IGSF5: variants seen among roughly 807,000 people sequenced by gnomAD.
IGSF5 encodes immunoglobulin superfamily member 5.
In IGSF5, 41 loss-of-function variants were observed where a neutral mutation model predicts 39.4. That is an observed-to-expected ratio of 1.04 (90% CI 0.81 to 1.35). The LOEUF (loss-of-function observed/expected upper bound fraction) is 1.35. IGSF5 is among the 40% of genes most tolerant of loss of function. The probability of loss-of-function intolerance (pLI) is 0.00; values close to 1 mark genes in which losing one functional copy is unlikely to be tolerated. For missense variants in IGSF5, 487 were observed against 494.6 expected (o/e 0.98, Z 0.15); for synonymous variants, 183 against 175.3 (o/e 1.04, Z -0.34).
the IGSF5 span, among the ~76,000 whole-genome samples, chr21:39,733,419 G>C: frequency 6.6e-6 from 1 of 152,174 alleles, no homozygotes; most frequent in African/African-American, 2.4e-5. Context: ...AGGTGTCCAA[G>C]TAAAATGCTT....
the IGSF5 span, among the ~76,000 whole-genome samples, chr21:39,712,674 C>G: frequency 6.6e-6 from 1 of 152,260 alleles, no homozygotes; most frequent in South Asian, 2.1e-4. Context: ...CATTGGGCCA[C>G]TACTGGAGTG....
At chr21:39,751,949 C>T (rs906640050) in intron 2 of IGSF5, among the ~76,000 whole-genome samples, 2 of 152,110 alleles carry the variant, frequency 1.3e-5, no homozygotes, top group Admixed American at 6.6e-5. Context: ...TGAGCCGTGG[C>T]GGTGTCCAGG....
rs71950931 is a variant in IGSF5, at chr21:39,750,635, TG to T, written c.100+4343del. On this transcript the variant is annotated intron_variant, in intron 2 of 8. Coordinates refer to ENST00000380588, the MANE Select transcript of IGSF5 (RefSeq NM_001080444.2). ...GTGTTCATCTCCTAGCACTTGAGGGTGGGGGGTTGGAGCTCTGCCCTATCCA... is the reference window on the plus strand; with the variant it reads ...GTGTTCATCTCCTAGCACTTGAGGGTGGGGGTTGGAGCTCTGCCCTATCCA... Among the ~76,000 whole-genome samples the T allele has an allele frequency of 2.7e-5, 4 of 150,790 alleles. No individual in the cohort carries two copies. In the South Asian group the frequency reaches 8.5e-4, roughly 32 times the overall value.
At chr21:39,792,956 G>T (rs1478410221) in intron 7 of IGSF5, among the ~76,000 whole-genome samples, 3 of 152,028 alleles carry the variant, frequency 2.0e-5, no homozygotes, top group Admixed American at 2.0e-4. Context: ...TTGCTGAGGG[G>T]CCTAAACACC....
At chr21:39,777,142 C>A (rs1660851589) in intron 4 of IGSF5, among the ~76,000 whole-genome samples, 1 of 152,206 alleles carries the variant, frequency 6.6e-6, no homozygotes, top group African/African-American at 2.4e-5. Flanking sequence ...CTCGCTCAGT[C>A]ACAAAGCTCC....
chr21:39,765,974 C>T (rs962022960), intron 3 of IGSF5, 122 bp downstream of exon 3: 4 of 865,822 alleles, frequency 4.6e-6, no homozygotes, highest in Non-Finnish European at 3.6e-6. Context: ...TGTTGACCTA[C>T]AATTATTCTG....
intron 2 of IGSF5, among the ~76,000 whole-genome samples, chr21:39,749,732 T>C (rs144380946): frequency 6.6e-6 from 1 of 152,320 alleles, no homozygotes; most frequent in African/African-American, 2.4e-5. Flanking sequence ...AAGTTGTAGG[T>C]AGACAAGAGA....
chr21:39,776,629 A>C (rs553301875), intron 4 of IGSF5, among the ~76,000 whole-genome samples: 2 of 152,262 alleles, frequency 1.3e-5, no homozygotes, highest in African/African-American at 2.4e-5. Context: ...TTAAACATGC[A>C]TTCTCTGAAA....
chr21:39,737,808 G>A, the IGSF5 span, among the ~76,000 whole-genome samples: 1 of 152,312 alleles, frequency 6.6e-6, no homozygotes, highest in Non-Finnish European at 1.5e-5. Context: ...GGGCCTGTCT[G>A]TTCACATTCT....
the IGSF5 span, among the ~76,000 whole-genome samples, chr21:39,725,146 A>G: frequency 6.6e-6 from 1 of 152,230 alleles, no homozygotes; most frequent in Non-Finnish European, 1.5e-5. Context: ...AGAGATCAGG[A>G]TTCCCTTGCC....
intron 2 of IGSF5, among the ~76,000 whole-genome samples, chr21:39,764,150 G>T (rs1486850200): frequency 8.5e-5 from 13 of 152,084 alleles, no homozygotes; most frequent in African/African-American, 2.4e-5. Flanking sequence ...CTCGCCTCCT[G>T]GTCCTGCTTA....
intron 2 of IGSF5, among the ~76,000 whole-genome samples, chr21:39,760,452 A>T (rs79505915): frequency 6.6e-6 from 1 of 152,232 alleles, no homozygotes; most frequent in South Asian, 2.1e-4. Flanking sequence ...GTCACTGCAC[A>T]TGTGAGAGCC....
intron 6 of IGSF5, among the ~76,000 whole-genome samples, chr21:39,789,649 G>A (rs2086949487): frequency 6.6e-6 from 1 of 152,078 alleles, no homozygotes; most frequent in Admixed American, 6.5e-5. Context: ...ATCAATGCAT[G>A]TTTATTTTTA....
chr21:39,793,722 C>T (rs1266627954), intron 8 of IGSF5, 109 bp downstream of exon 8: 13 of 865,744 alleles, frequency 1.5e-5, no homozygotes, highest in Non-Finnish European at 2.5e-5. Flanking sequence ...ATGATGGTGG[C>T]ATGTTGCCTT....
intron 2 of IGSF5, among the ~76,000 whole-genome samples, chr21:39,746,739 G>A (rs574470134): frequency 2.9e-4 from 44 of 152,278 alleles, no homozygotes; most frequent in Non-Finnish European, 1.5e-4. Context: ...AGACACTTTC[G>A]GAATGGGGGC....
chr21:39,766,631 C>A (rs935175036), intron 3 of IGSF5, among the ~76,000 whole-genome samples: 1 of 152,054 alleles, frequency 6.6e-6, no homozygotes, highest in African/African-American at 2.4e-5. Context: ...GCTTATTTTT[C>A]ATTTTAGAGG....
chr21:39,794,631 A>C (rs964413109), intron 8 of IGSF5, among the ~76,000 whole-genome samples: 6 of 152,206 alleles, frequency 3.9e-5, no homozygotes, highest in Non-Finnish European at 5.9e-5. Flanking sequence ...AACTTCAGAC[A>C]AGAAGTATTT....
At chr21:39,741,839 A>G (rs577910199), upstream of IGSF5, among the ~76,000 whole-genome samples, 3 of 152,286 alleles carry the variant, frequency 2.0e-5, no homozygotes, top group South Asian at 6.2e-4. Flanking sequence ...TATAAGGGCT[A>G]GGTATAGCTG....
At position 39,792,008 on chromosome 21, in the gene IGSF5, G is replaced by GAAATCTGAA. The variant is rs1569259497; in HGVS notation, c.961_969dup (p.Ser321_Lys323dup). On this transcript the variant is annotated inframe_insertion and splice_region_variant, in exon 7 of 9. Transcript: ENST00000380588. ...TGAACATAAAATGGTCTAATTGTAGGAAATCTGAAAAAGAGAAGACAAACA... is the reference window on the plus strand; with the variant it reads ...TGAACATAAAATGGTCTAATTGTAGGAAATCTGAAAAATCTGAAAAAGAGAAGACAAACA... 1 of 1,601,180 alleles carries GAAATCTGAA rather than the reference G, an allele frequency of 6.2e-7. No individual in the cohort carries two copies. The highest frequency in any genetic ancestry group is 1.1e-5 in the South Asian group (1 of 89,324).
Sources: gnomAD v4.1 joint callset for allele counts (sites outside exome capture counted in the v4.1 genomes callset) on GRCh38, gnomAD v4.1.1 for gene constraint, MANE v1.5 for transcripts, NCBI Gene and HGNC (gene_info 2026-07-23, HGNC 2026-07-21) for gene names.